PCDHGC5: variants seen among roughly 807,000 people sequenced by gnomAD.
PCDHGC5 encodes the protein protocadherin gamma-C5.
A neutral mutation model predicts 59.0 loss-of-function variants in PCDHGC5; 25 were observed. That is an observed-to-expected ratio of 0.42 (90% confidence interval 0.31 to 0.59). The LOEUF (loss-of-function observed/expected upper bound fraction) is 0.59, where lower values mean the gene tolerates loss of function less well. Among genes scored for constraint, PCDHGC5 ranks in the 20% least tolerant of loss-of-function variants. The pLI is 0.13. For missense variants in PCDHGC5, 1,067 were observed against 1,206.4 expected (o/e 0.88, Z 1.71); for synonymous variants, 434 against 505.5 (o/e 0.86, Z 1.90).
intron 2 of PCDHGC5, among the ~76,000 whole-genome samples, chr5:141,503,203 A>G (rs10477147): frequency 0.037 from 5,590 of 152,130 alleles, 132 homozygotes; most frequent in South Asian, 0.073. Flanking sequence ...TCAGCCTCTC[A>G]GTGCCCACCA....
chr5:141,510,994 G>A lies in PCDHGC5; in HGVS notation c.2656G>A (p.Gly886Arg). ...CCTGGGAGGGGGTGCCGGCACCATG[G>A]GATTGAGCGCCCGCTACGGACCCCA... ...STLGGGAGTM[G>R]LSARYGPQFT... The change falls in exon 4 of 4, where the codon GGA becomes AGA. Residue 886 changes from glycine to arginine, a missense_variant. Physicochemically the swap from Gly to Arg is moderately radical, Grantham distance 125 (BLOSUM62 -2). Transcript: ENST00000252087. 1 of 1,614,168 alleles carries A rather than the reference G, an allele frequency of 6.2e-7. No homozygotes were observed. Among genetic ancestry groups the A allele is most frequent in the Non-Finnish European group, 8.5e-7 (1 of 1,180,022 alleles).
intron 2 of PCDHGC5, among the ~76,000 whole-genome samples, chr5:141,501,988 T>C (rs2099812189): frequency 6.6e-6 from 1 of 152,056 alleles, no homozygotes; most frequent in Non-Finnish European, 1.5e-5. Flanking sequence ...GGTCCCGTTG[T>C]CTCCCTGACA....
At chr5:141,497,807 T>G (rs2099779585) in intron 2 of PCDHGC5, among the ~76,000 whole-genome samples, 1 of 152,210 alleles carries the variant, frequency 6.6e-6, no homozygotes, top group African/African-American at 2.4e-5. Context: ...CCCAAAGTGC[T>G]AGAATTACAG....
intron 1 of PCDHGC5, among the ~76,000 whole-genome samples, chr5:141,492,802 G>A (rs1490284966): frequency 6.6e-6 from 1 of 152,234 alleles, no homozygotes; most frequent in Non-Finnish European, 1.5e-5. Flanking sequence ...GCAGGACTGG[G>A]ACTCCAGTGG....
chr5:141,491,705 G>A lies in PCDHGC5; in HGVS notation c.2460+5G>A. ...ACGCTGCGGGAGCGGAGCCAGGTGA[G>A]GGGCTCGGCGCCGCCCCGGGCGACC... is the stretch of plus-strand genomic sequence containing the variant. On this transcript the variant is annotated splice_donor_5th_base_variant and intron_variant, in intron 1 of 3. Transcript: ENST00000252087. The surrounding 1 kb of genome is among the most constrained non-coding windows in gnomAD (Gnocchi z 6.9). 1 of 1,611,064 alleles carries A rather than the reference G, an allele frequency of 6.2e-7. No homozygotes were observed. Among genetic ancestry groups the A allele is most frequent in the South Asian group, 1.1e-5 (1 of 90,828 alleles).
At chr5:141,503,023 A>T (rs1163676028) in intron 2 of PCDHGC5, among the ~76,000 whole-genome samples, 1 of 141,884 alleles carries the variant, frequency 7.0e-6, no homozygotes, top group African/African-American at 2.6e-5. Context: ...TTTTTTTTTT[A>T]ATATCTATTT....
chr5:141,505,960 G>A (rs2099849410), intron 3 of PCDHGC5, among the ~76,000 whole-genome samples: 1 of 152,202 alleles, frequency 6.6e-6, no homozygotes, highest in Non-Finnish European at 1.5e-5. Context: ...AGTGGGTGTA[G>A]AAATCCCCAG....
chr5:141,491,964 C>T lies in PCDHGC5; in HGVS notation c.2460+264C>T, dbSNP rs1382490003. 2.1e-6 allele frequency: 2 copies of T among 943,836 alleles called. No individual in the cohort carries two copies. The highest frequency in any genetic ancestry group is 3.0e-6 in the Non-Finnish European group (2 of 671,104). 58.5% of individuals were successfully genotyped at this position (943,836 alleles called of 1,614,324 possible). On this transcript the variant is annotated intron_variant, in intron 1 of 3. Transcript: ENST00000252087. The surrounding 1 kb of genome is among the most constrained non-coding windows in gnomAD (Gnocchi z 6.9). ...CCCCACCCCTACACTCAAAAAAGGC[C>T]GGGGCCTCCTTCGAGCTTCCGGTGA...
rs186292704 is a variant in PCDHGC5 at position 141,490,783 on chromosome 5, C to T, written c.1543C>T (p.Arg515Trp). ...SFVYVNPEDGRIFAQRTFDYE... is the reference protein window; with the variant it reads ...SFVYVNPEDGWIFAQRTFDYE... ...TGTGTATGTCAACCCAGAGGATGGA[C>T]GGATCTTTGCCCAGCGTACCTTTGA... Residue 515 changes from arginine to tryptophan, a missense_variant, in exon 1 of 4, where the codon CGG becomes TGG. By Grantham distance (101) the Arg-to-Trp change is moderately radical (BLOSUM62 -3). Transcript: ENST00000252087. The surrounding 1 kb of genome is among the most constrained non-coding windows in gnomAD (Gnocchi z 5.4). The T allele has an allele frequency of 8.1e-6, 13 of 1,614,024 alleles. 1 individual carries two copies. Among genetic ancestry groups the T allele is most frequent in the Middle Eastern group, 3.3e-4 (2 of 6,062 alleles).
chr5:141,498,390 T>C (rs2099783500), intron 2 of PCDHGC5, among the ~76,000 whole-genome samples: 1 of 151,982 alleles, frequency 6.6e-6, no homozygotes, highest in Non-Finnish European at 1.5e-5. Context: ...ATCAAGGGAA[T>C]GGCAGGGAGT....
Position 141,494,770 on chromosome 5 carries a change from C to T in PCDHGC5, c.2461-37C>T, listed in dbSNP as rs767006872. 43 of 1,614,022 alleles carry T rather than the reference C, an allele frequency of 2.7e-5. No homozygotes were observed. In the East Asian group the frequency reaches 7.6e-4, roughly 28 times the overall value. On this transcript the variant is annotated intron_variant, in intron 1 of 3. Coordinates refer to ENST00000252087, the MANE Select transcript of PCDHGC5 (RefSeq NM_018929.3). ...GCTCGGGTGACATTCTAACTTCTCA[C>T]GGGTACTCAGCCCCTTTCCCTCTGT...
Position 141,491,737 on chromosome 5 carries a change from G to C in PCDHGC5, c.2460+37G>C, listed in dbSNP as rs548808722. 1.2e-6 allele frequency: 2 copies of C among 1,600,586 alleles called. No homozygotes were observed. The highest frequency in any genetic ancestry group is 2.7e-5 in the African/African-American group (2 of 74,486). On this transcript the variant is annotated intron_variant, in intron 1 of 3. Transcript: ENST00000252087. The surrounding 1 kb of genome is among the most constrained non-coding windows in gnomAD (Gnocchi z 6.9). ...GGCGCCGCCCCGGGCGACCCCTGGG[G>C]GCGGCACTGGAGAAGCCGCCCGTCC...
At chr5:141,502,768 T>C (rs1389860952) in intron 2 of PCDHGC5, among the ~76,000 whole-genome samples, 1 of 152,154 alleles carries the variant, frequency 6.6e-6, no homozygotes, top group East Asian at 1.9e-4. Context: ...GCTGGTATTC[T>C]TCTGAAAATT....
Position 141,510,979 on chromosome 5 carries a change from G to A in PCDHGC5, c.2641G>A (p.Gly881Ser). 6.2e-7 allele frequency: 1 copy of A among 1,614,156 alleles called. No homozygotes were observed. The highest frequency in any genetic ancestry group is 8.5e-7 in the Non-Finnish European group (1 of 1,180,018). Reference sequence around the variant, plus strand: ...TGATGGGAGCTCCACCCTGGGAGGGGGTGCCGGCACCATGGGATTGAGCGC... The same window carrying A: ...TGATGGGAGCTCCACCCTGGGAGGGAGTGCCGGCACCATGGGATTGAGCGC... ...AADGSSTLGG[G>S]AGTMGLSARY... The change falls in exon 4 of 4, where the codon GGT becomes AGT. Residue 881 changes from glycine (G) to serine (S), a missense_variant. Physicochemically the swap from Gly to Ser is moderately conservative, Grantham distance 56. Transcript: ENST00000252087.
At chr5:141,509,692 C>T (rs755446680) in intron 3 of PCDHGC5, among the ~76,000 whole-genome samples, 8 of 152,126 alleles carry the variant, frequency 5.3e-5, no homozygotes, top group Non-Finnish European at 1.0e-4. Context: ...TACAGTGGGA[C>T]GTTGGACTGG....
chr5:141,512,241 G>A lies in PCDHGC5; in HGVS notation c.*1068G>A, dbSNP rs533051658. On this transcript the variant is annotated 3_prime_UTR_variant, in exon 4 of 4. Coordinates refer to ENST00000252087, the MANE Select transcript of PCDHGC5 (RefSeq NM_018929.3). ...CCAGGTCCCCTTGAGAGGTCAGAGGGGCCTCTGTGGGTGCTGGGTACTCCA... is the reference window on the plus strand; with the variant it reads ...CCAGGTCCCCTTGAGAGGTCAGAGGAGCCTCTGTGGGTGCTGGGTACTCCA... 1 of 152,866 alleles carries A rather than the reference G, an allele frequency of 6.5e-6. No individual in the cohort carries two copies. The highest frequency in any genetic ancestry group is 2.1e-4 in the South Asian group (1 of 4,824). 9.5% of individuals were successfully genotyped at this position (152,866 alleles called of 1,614,324 possible).
At chr5:141,501,837 G>C (rs2099811299) in intron 2 of PCDHGC5, among the ~76,000 whole-genome samples, 1 of 152,018 alleles carries the variant, frequency 6.6e-6, no homozygotes, top group Admixed American at 6.5e-5. Flanking sequence ...CCACCTGTTT[G>C]GCCCTCAACC....
At chr5:141,499,570 A>C (rs1027373056) in intron 2 of PCDHGC5, among the ~76,000 whole-genome samples, 2 of 152,200 alleles carry the variant, frequency 1.3e-5, no homozygotes, top group Non-Finnish European at 2.9e-5. Flanking sequence ...TCCAGCTTCA[A>C]CTAATGCCTT....
chr5:141,508,714 G>A (rs775462794), intron 3 of PCDHGC5, among the ~76,000 whole-genome samples: 16 of 151,880 alleles, frequency 1.1e-4, no homozygotes, highest in Admixed American at 2.0e-4. Context: ...ATTCTTTTCT[G>A]TGTGCAGGGA....
Sources: allele counts gnomAD v4.1 joint callset (sites outside exome capture counted in the v4.1 genomes callset), GRCh38; gene constraint gnomAD v4.1.1; non-coding constraint Gnocchi (gnomAD v3.1); transcripts MANE v1.5; gene names NCBI Gene and HGNC (gene_info 2026-07-23, HGNC 2026-07-21).